Variants in RAP1A observed in about 807,000 individuals in gnomAD.
The protein encoded by RAP1A is ras-related protein Rap-1A.
In RAP1A, 6 loss-of-function variants were observed where a neutral mutation model predicts 26.4. The ratio of observed to expected loss-of-function variants is 0.23; its 90% confidence interval spans 0.12 to 0.45. The LOEUF (loss-of-function observed/expected upper bound fraction) is 0.45. Ranked by LOEUF, RAP1A falls within the 20% of genes least tolerant of loss-of-function variation. RAP1A has a pLI of 0.99. For synonymous variants in RAP1A, 73 were observed against 79.4 expected, an observed-to-expected ratio of 0.92 and a Z score of 0.43; for missense variants, 121 against 217.2, an observed-to-expected ratio of 0.56 and a Z score of 2.78.
At chr1:111,643,456 A>T (rs1483848732) in intron 1 of RAP1A, among the ~76,000 whole-genome samples, 1 of 152,220 alleles carries the variant, frequency 6.6e-6, no homozygotes, top group African/African-American at 2.4e-5. Flanking sequence ...CATCAAGTTT[A>T]GAACTTTAAA....
At chr1:111,560,108 C>T (rs900897330) in intron 1 of RAP1A, among the ~76,000 whole-genome samples, 1 of 152,186 alleles carries the variant, frequency 6.6e-6, no homozygotes, top group South Asian at 2.1e-4. Context: ...ATTGGAAGCT[C>T]AGAGATTACA....
intron 1 of RAP1A, among the ~76,000 whole-genome samples, chr1:111,672,598 GC>G (rs1441828485): frequency 1.3e-5 from 2 of 152,100 alleles, no homozygotes; most frequent in Non-Finnish European, 2.9e-5. Flanking sequence ...TGACTGCACG[GC>G]AGCCTAACAC....
At chr1:111,702,538 A>AG (rs1268451797) in intron 4 of RAP1A, among the ~76,000 whole-genome samples, 2 of 151,906 alleles carry the variant, frequency 1.3e-5, no homozygotes, top group Admixed American at 1.3e-4. Context: ...GTTTGGAATG[A>AG]GGGGGAAAAT....
intron 1 of RAP1A, among the ~76,000 whole-genome samples, chr1:111,628,104 A>G (rs1659456629): frequency 6.6e-6 from 1 of 152,164 alleles, no homozygotes; most frequent in Admixed American, 6.6e-5. Context: ...TAAAAGGAGA[A>G]TAATATCTAC....
In RAP1A at chr1:111,552,963, C is replaced by G. The variant is rs12079683; in HGVS notation, c.-28+10454C>G. 2.4e-3 allele frequency among the ~76,000 whole-genome samples: 364 copies of G among 152,338 alleles called. 2 individuals are homozygous for G. The highest frequency in any genetic ancestry group is 6.8e-3 in the African/African-American group (283 of 41,590). On this transcript the variant is annotated intron_variant, in intron 1 of 7. Coordinates refer to the RAP1A transcript ENST00000356415. ...GCTAAATTTATTAAGATTATATACTCATCTCTAGGACTATTACAATGAGCA... is the reference window on the plus strand; with the variant it reads ...GCTAAATTTATTAAGATTATATACTGATCTCTAGGACTATTACAATGAGCA...
intron 1 of RAP1A, among the ~76,000 whole-genome samples, chr1:111,598,659 G>GAACAGAAGTCTGTGTGAC (rs1460070598): frequency 6.6e-6 from 1 of 152,134 alleles, no homozygotes; most frequent in African/African-American, 2.4e-5. Context: ...CTTCTGTGAT[G>GAACAGAAGTCTGTGTGAC]AACAGAAGTC....
intron 2 of RAP1A, among the ~76,000 whole-genome samples, chr1:111,692,494 C>T (rs1299194635): frequency 6.6e-6 from 1 of 152,086 alleles, no homozygotes; most frequent in East Asian, 1.9e-4. Flanking sequence ...TTCAATTCAG[C>T]GATTCCCTCT....
At chr1:111,551,029 G>A (rs568133826) in intron 1 of RAP1A, among the ~76,000 whole-genome samples, 122 of 152,208 alleles carry the variant, frequency 8.0e-4, no homozygotes, top group Non-Finnish European at 2.2e-4. Context: ...TGACACATTT[G>A]TCTGGTTTTA....
chr1:111,613,057 C>T (rs72695265), intron 1 of RAP1A, among the ~76,000 whole-genome samples: 27,526 of 151,992 alleles, frequency 0.18, 2,879 homozygotes, highest in South Asian at 0.23. Context: ...AGCTATGTAG[C>T]CTCATTCCAG....
At chr1:111,648,205 ATT>A (rs34499342) in intron 1 of RAP1A, 23,857 of 267,864 alleles carry the variant, frequency 0.089, 400 homozygotes, top group South Asian at 0.14. Flanking sequence ...GTGTGTGTGT[ATT>A]TTTTTTTTTT....
Position 111,713,467 on chromosome 1 carries a change from T to C in RAP1A, c.*1066T>C, listed in dbSNP as rs1451094615. The C allele has an allele frequency of 2.6e-5, 4 of 152,214 alleles. No individual in the cohort carries two copies. Among genetic ancestry groups the C allele is most frequent in the Non-Finnish European group, 5.9e-5 (4 of 68,014 alleles). 9.4% of individuals were successfully genotyped at this position (152,214 alleles called of 1,614,324 possible). ...GTTTAACTTTTACTATTTCAGATCT[T>C]CCACAGCTTGTAATTTCATCAAGGG... On this transcript the variant is annotated 3_prime_UTR_variant, in exon 8 of 8. Coordinates refer to ENST00000369709, the MANE Select transcript of RAP1A (RefSeq NM_002884.4).
intron 1 of RAP1A, among the ~76,000 whole-genome samples, chr1:111,667,290 T>C (rs1335770078): frequency 1.3e-5 from 2 of 152,250 alleles, no homozygotes; most frequent in African/African-American, 4.8e-5. Flanking sequence ...CAAAGTAGTA[T>C]TCTGTGATTA....
intron 1 of RAP1A, among the ~76,000 whole-genome samples, chr1:111,640,862 G>A (rs980647054): frequency 7.2e-5 from 11 of 152,126 alleles, no homozygotes; most frequent in Admixed American, 7.2e-4. Flanking sequence ...TACTCAGAAG[G>A]CTGAGGTGGG....
chr1:111,640,062 A>G (rs1659846784), intron 1 of RAP1A, among the ~76,000 whole-genome samples: 1 of 152,254 alleles, frequency 6.6e-6, no homozygotes, highest in Admixed American at 6.5e-5. Flanking sequence ...ACAGCTGCAA[A>G]CAAATGACAA....
At chr1:111,680,138 G>A (rs953910879) in intron 1 of RAP1A, among the ~76,000 whole-genome samples, 15 of 152,300 alleles carry the variant, frequency 9.8e-5, no homozygotes, top group African/African-American at 3.4e-4. Flanking sequence ...CTTCCGGTGG[G>A]TTCTTGGTCT....
intron 1 of RAP1A, among the ~76,000 whole-genome samples, chr1:111,671,023 G>A (rs1557885963): frequency 6.6e-6 from 1 of 152,196 alleles, no homozygotes; most frequent in Non-Finnish European, 1.5e-5. Flanking sequence ...AAAGATTGTG[G>A]TAAAGATTTA....
intron 1 of RAP1A, among the ~76,000 whole-genome samples, chr1:111,658,113 C>T (rs1400793793): frequency 6.6e-6 from 1 of 152,144 alleles, no homozygotes; most frequent in East Asian, 1.9e-4. Flanking sequence ...AAAGTACAGT[C>T]ATACATCACT....
chr1:111,620,894 C>T (rs1033877471), intron 1 of RAP1A, among the ~76,000 whole-genome samples: 1 of 152,126 alleles, frequency 6.6e-6, no homozygotes, highest in Non-Finnish European at 1.5e-5. Flanking sequence ...TTTGTGCCTA[C>T]AAAATGGGAT....
At chr1:111,548,517 C>A (rs574669352) in intron 1 of RAP1A, among the ~76,000 whole-genome samples, 2 of 152,188 alleles carry the variant, frequency 1.3e-5, no homozygotes, top group South Asian at 4.2e-4. Flanking sequence ...GTTTTGGCAC[C>A]CATCAAGTGG....
Sources: allele counts gnomAD v4.1 joint callset (sites outside exome capture counted in the v4.1 genomes callset), GRCh38; gene constraint gnomAD v4.1.1; transcripts MANE v1.5; gene names NCBI Gene and HGNC (gene_info 2026-07-23, HGNC 2026-07-21).